Variants in ROBO2 observed in about 807,000 individuals in gnomAD.
ROBO2 encodes the protein roundabout homolog 2.
Under a neutral mutation model 160.8 loss-of-function variants are expected in ROBO2, and 53 were observed. The observed-to-expected ratio is 0.33, with a 90% CI of 0.26 to 0.41. The LOEUF is 0.41. Among genes scored for constraint, ROBO2 ranks in the 10% least tolerant of loss-of-function variants. The pLI is 1.00. For synonymous variants in ROBO2, 664 were observed against 611.7 expected (o/e 1.09, Z -1.26); for missense variants, 1,577 against 1,722.4 (o/e 0.92, Z 1.49).
intron 2 of ROBO2, among the ~76,000 whole-genome samples, chr3:77,321,120 C>A (rs192851699): frequency 1.3e-5 from 2 of 152,164 alleles, no homozygotes; most frequent in Non-Finnish European, 2.9e-5. Context: ...CTCCTCATGC[C>A]GGACTTTCTA....
intron 2 of ROBO2, among the ~76,000 whole-genome samples, chr3:77,425,318 A>C (rs1190292381): frequency 6.6e-6 from 1 of 152,226 alleles, no homozygotes; most frequent in Non-Finnish European, 1.5e-5. Flanking sequence ...TGTTAAGAAA[A>C]GCAAACAGAT....
At chr3:77,584,919 C>T (rs2094006257) in intron 16 of ROBO2, among the ~76,000 whole-genome samples, 1 of 147,916 alleles carries the variant, frequency 6.8e-6, no homozygotes, top group African/African-American at 2.5e-5. Context: ...TGTATACACA[C>T]ATACATATAT....
At chr3:76,359,096 A>G (rs1345570886) in intron 2 of ROBO2, among the ~76,000 whole-genome samples, 1 of 151,964 alleles carries the variant, frequency 6.6e-6, no homozygotes, top group Non-Finnish European at 1.5e-5. Flanking sequence ...TACAAAGGAC[A>G]TGAGCTCATC....
chr3:77,627,954 T>G (rs780178801), intron 23 of ROBO2, among the ~76,000 whole-genome samples: 23 of 152,192 alleles, frequency 1.5e-4, no homozygotes, highest in Non-Finnish European at 1.8e-4. Context: ...TGATGACTGA[T>G]CATAAATTAA....
At chr3:77,050,791 T>C (rs1384996469) in intron 1 of ROBO2, among the ~76,000 whole-genome samples, 1 of 151,574 alleles carries the variant, frequency 6.6e-6, no homozygotes, top group Non-Finnish European at 1.5e-5. Context: ...GGAGGATCTC[T>C]TGAGCCCATG....
At chr3:77,035,318 G>A (rs1383195129), upstream of ROBO2, among the ~76,000 whole-genome samples, 5 of 151,756 alleles carry the variant, frequency 3.3e-5, no homozygotes, top group Admixed American at 6.6e-5. Context: ...AAAATTTTAA[G>A]GTATACACAA....
At chr3:77,393,527 G>A (rs2074959564) in intron 2 of ROBO2, among the ~76,000 whole-genome samples, 1 of 131,842 alleles carries the variant, frequency 7.6e-6, no homozygotes. Flanking sequence ...TTATATATGT[G>A]AATGAATTAA....
At chr3:76,036,954 GT>G (rs1188047335) in intron 2 of ROBO2, among the ~76,000 whole-genome samples, 1 of 151,962 alleles carries the variant, frequency 6.6e-6, no homozygotes, top group Admixed American at 6.5e-5. Context: ...ACCCATGCTT[GT>G]TTTTCAGTGT....
intron 2 of ROBO2, among the ~76,000 whole-genome samples, chr3:77,102,564 A>C (rs938924818): frequency 6.6e-6 from 1 of 151,986 alleles, no homozygotes; most frequent in Admixed American, 6.6e-5. Flanking sequence ...AAAATATGGA[A>C]TTTTTTTTAC....
intron 12 of ROBO2, among the ~76,000 whole-genome samples, chr3:77,565,923 T>C (rs1047226561): frequency 2.0e-5 from 3 of 152,106 alleles, no homozygotes; most frequent in Non-Finnish European, 4.4e-5. Flanking sequence ...TACATTATAG[T>C]TTCCCTTCTG....
chr3:76,149,998 C>T (rs2072104632), intron 2 of ROBO2, among the ~76,000 whole-genome samples: 1 of 113,406 alleles, frequency 8.8e-6, no homozygotes, highest in Non-Finnish European at 2.0e-5. Context: ...CTAAAGCACA[C>T]ATCATCTGTC....
In ROBO2 at chr3:77,099,071, C is replaced by CTTTCTTT. The variant is rs1466739912; in HGVS notation, c.388+734_388+735insCTTTTTT. On this transcript the variant is annotated intron_variant, in intron 2 of 25. Coordinates refer to ENST00000461745, the Ensembl canonical transcript of ROBO2. ...AACAAAATTGTACTTTTCTTTCTTT[C>CTTTCTTT]TTTTTTTTTTTTTTTTTTGAGACAG... Among the ~76,000 whole-genome samples, 4 of 121,250 alleles carry CTTTCTTT rather than the reference C, an allele frequency of 3.3e-5. No individual in the cohort carries two copies. The South Asian group carries it at 1.1e-3, about 34-fold the overall frequency. 79.5% of individuals were successfully genotyped at this position (121,250 alleles called of 152,430 possible).
chr3:77,268,988 G>A (rs2059313428), intron 2 of ROBO2, among the ~76,000 whole-genome samples: 1 of 152,152 alleles, frequency 6.6e-6, no homozygotes, highest in African/African-American at 2.4e-5. Context: ...CTAGTACAGT[G>A]TTCACAGCTT....
rs749988749 is a variant in ROBO2 at position 77,595,122 on chromosome 3, C to T, written c.2684-20C>T. The T allele has an allele frequency of 4.4e-6, 7 of 1,602,796 alleles. No homozygotes were observed. The South Asian group carries it at 7.7e-5, about 18-fold the overall frequency. ...TGACTACTTGTGTGTGCATGTCTTC[C>T]TTTTTTTCTTTTTTCATAGTTACGT... On this transcript the variant is annotated intron_variant, in intron 17 of 25. Coordinates refer to ENST00000461745, the Ensembl canonical transcript of ROBO2.
intron 2 of ROBO2, among the ~76,000 whole-genome samples, chr3:76,639,382 G>A (rs1285013640): frequency 6.6e-6 from 1 of 151,330 alleles, no homozygotes; most frequent in Non-Finnish European, 1.5e-5. Context: ...ATGTTTGTAT[G>A]TGTGTGTAAA....
intron 2 of ROBO2, among the ~76,000 whole-genome samples, chr3:77,397,474 TG>T (rs1379203854): frequency 6.6e-6 from 1 of 152,164 alleles, no homozygotes; most frequent in Non-Finnish European, 1.5e-5. Flanking sequence ...TAGAAGGCTC[TG>T]TCTCTCTTCT....
chr3:77,171,203 A>T (rs1016053853), intron 2 of ROBO2, among the ~76,000 whole-genome samples: 1 of 152,180 alleles, frequency 6.6e-6, no homozygotes, highest in South Asian at 2.1e-4. Context: ...TGGCATATAC[A>T]CTAGAGGATA....
intron 2 of ROBO2, among the ~76,000 whole-genome samples, chr3:77,462,456 T>C (rs2082341604): frequency 6.6e-6 from 1 of 152,238 alleles, no homozygotes; most frequent in South Asian, 2.1e-4. Context: ...CTTACTAGCA[T>C]CCTACAGATA....
chr3:76,522,943 TATTAC>T (rs1251170505), intron 2 of ROBO2, among the ~76,000 whole-genome samples: 1 of 149,836 alleles, frequency 6.7e-6, no homozygotes. Context: ...TAGCTGTATA[TATTAC>T]ATAATTTTTA....
Sources: gnomAD v4.1 joint callset for allele counts (sites outside exome capture counted in the v4.1 genomes callset) on GRCh38, gnomAD v4.1.1 for gene constraint, MANE v1.5 for transcripts, NCBI Gene and HGNC (gene_info 2026-07-23, HGNC 2026-07-21) for gene names.